Variants in SOHLH1 observed in about 807,000 individuals in gnomAD.
The protein encoded by SOHLH1 is spermatogenesis- and oogenesis-specific basic helix-loop-helix-containing protein 1.
In SOHLH1, 23 loss-of-function variants were observed where a neutral mutation model predicts 36.2. The ratio of observed to expected loss-of-function variants is 0.64; its 90% CI spans 0.46 to 0.90. The LOEUF (loss-of-function observed/expected upper bound fraction) is 0.90, where lower values mean the gene tolerates loss of function less well. SOHLH1 is among the 40% of genes least tolerant of loss of function. SOHLH1 has a pLI of 0.00. For synonymous variants in SOHLH1, 289 were observed against 228.3 expected (o/e 1.27, Z -2.40); for missense variants, 608 against 517.0 (o/e 1.18, Z -1.71).
In SOHLH1 at chr9:135,693,517, A is replaced by G; in HGVS notation, c.*80T>C. The G allele has an allele frequency of 6.8e-7, 1 of 1,478,730 alleles. No individual in the cohort carries two copies. The allele number at this position is 1,478,730 out of a possible 1,614,324, so 91.6% of individuals were successfully genotyped here. On this transcript the variant is annotated 3_prime_UTR_variant, in exon 8 of 8. Transcript: ENST00000425225. ...TGCAGCTGCAACCCAAACCCAAAAT[A>G]AAATGCCCAAGCACGCGACAGGGAC...
upstream of SOHLH1, among the ~76,000 whole-genome samples, chr9:135,700,175 C>G (rs896429668): frequency 6.6e-6 from 1 of 152,170 alleles, no homozygotes; most frequent in Non-Finnish European, 1.5e-5. Context: ...ACCATCCCCG[C>G]TTTATGCCCT....
At chr9:135,700,937 T>C (rs1835011092), upstream of SOHLH1, among the ~76,000 whole-genome samples, 1 of 152,170 alleles carries the variant, frequency 6.6e-6, no homozygotes, top group Admixed American at 6.5e-5. Context: ...TCATCAAACC[T>C]GTGACTCTCC....
chr9:135,695,304 G>A, intron 5 of SOHLH1, 41 bp from the exon 6 acceptor site: 1 of 1,549,246 alleles, frequency 6.5e-7, no homozygotes, highest in Non-Finnish European at 8.7e-7. Flanking sequence ...TCCCTGCCCA[G>A]CCCCACAGGC....
chr9:135,694,351 CG>C (rs745887164), intron 7 of SOHLH1, 35 bp downstream of exon 7: 3 of 1,611,786 alleles, frequency 1.9e-6, no homozygotes, highest in Non-Finnish European at 2.5e-6. Flanking sequence ...GGTGCTTACG[CG>C]GGGGGACCAG....
chr9:135,694,928 G>A lies in SOHLH1; in HGVS notation c.875+122C>T. ...CCTCCCTCCCACGGGCACAGAAGCA[G>A]AGACGGAAGCTTCCAGATGCCGAGA... On this transcript the variant is annotated intron_variant, in intron 6 of 7. Coordinates refer to ENST00000425225, the MANE Select transcript of SOHLH1 (RefSeq NM_001101677.2). 4.4e-6 allele frequency: 5 copies of A among 1,131,780 alleles called. No homozygotes were observed. The South Asian group carries it at 7.2e-5, about 16-fold the overall frequency. The allele number at this position is 1,131,780 out of a possible 1,614,324, so 70.1% of individuals were successfully genotyped here.
At chr9:135,694,228 A>G in intron 7 of SOHLH1, 159 bp downstream of exon 7, 1 of 1,478,868 alleles carries the variant, frequency 6.8e-7, no homozygotes, top group Non-Finnish European at 8.9e-7. Context: ...GCTCAATACC[A>G]GACACGGCCC....
intron 2 of SOHLH1, among the ~76,000 whole-genome samples, chr9:135,698,717 C>T (rs956046200): frequency 6.6e-6 from 1 of 152,180 alleles, no homozygotes; most frequent in Non-Finnish European, 1.5e-5. Flanking sequence ...GGCTGCTTTG[C>T]GGTGTGGAAA....
At position 135,698,495 on chromosome 9, in the gene SOHLH1, C is replaced by A. The variant is rs1322162899; in HGVS notation, c.198-19G>T. The A allele has an allele frequency of 3.7e-6, 6 of 1,612,890 alleles. No homozygotes were observed. In the African/African-American group the frequency reaches 8.0e-5, roughly 22 times the overall value. ...CCGCTTCCTGGTTCCGGTCAAGAAA[C>A]AAATACCTCTGGGCCCTCCTGCCCT... is the stretch of plus-strand genomic sequence containing the variant. On this transcript the variant is annotated intron_variant, in intron 2 of 7. Coordinates refer to ENST00000425225, the MANE Select transcript of SOHLH1 (RefSeq NM_001101677.2).
In SOHLH1 at chr9:135,693,436, C is replaced by T. The variant is rs1399682642; in HGVS notation, c.*161G>A. 4.8e-6 allele frequency: 5 copies of T among 1,046,084 alleles called. No individual in the cohort carries two copies. In the African/African-American group the frequency reaches 6.4e-5, roughly 13 times the overall value. 64.8% of individuals were successfully genotyped at this position (1,046,084 alleles called of 1,614,324 possible). On this transcript the variant is annotated 3_prime_UTR_variant, in exon 8 of 8. Transcript: ENST00000425225. ...GCTTCCTCCAGGAAAACTGCTTTCC[C>T]TCTTTAATATTCACTATCCTCTTCT...
chr9:135,696,877 C>A (rs1017889164), intron 4 of SOHLH1, 72 bp from the exon 5 acceptor site: 7 of 1,523,532 alleles, frequency 4.6e-6, no homozygotes, highest in African/African-American at 1.4e-5. Context: ...CCACCCACCC[C>A]AAGAGCAGAG....
rs1285375388 is a variant in SOHLH1, at chr9:135,693,736, C to G, written c.1025G>C (p.Gly342Ala). The G allele has an allele frequency of 6.3e-7, 1 of 1,575,182 alleles. No homozygotes were observed. Among genetic ancestry groups the G allele is most frequent in the Non-Finnish European group, 8.6e-7 (1 of 1,161,300 alleles). The change falls in exon 8 of 8, where the codon GGC (glycine) becomes GCC (alanine). Residue 342 changes from glycine to alanine, a missense_variant. Gly to Ala is a moderately conservative substitution (Grantham distance 60). Coordinates refer to ENST00000425225, the MANE Select transcript of SOHLH1 (RefSeq NM_001101677.2). ...ESSPLDVGEP[G>A]FLGDPELGSQ... Reference sequence around the variant, plus strand: ...GCCAAGCTCAGGGTCCCCTAGGAAGCCTGGCTCTCCAACATCCAGTGGACT... The same window carrying G: ...GCCAAGCTCAGGGTCCCCTAGGAAGGCTGGCTCTCCAACATCCAGTGGACT...
rs962476199 is a variant in SOHLH1, at chr9:135,694,141, G to T, written c.946+246C>A. 29 of 1,434,238 alleles carry T rather than the reference G, an allele frequency of 2.0e-5. No homozygotes were observed. In the African/African-American group the frequency reaches 4.0e-4, roughly 20 times the overall value. The allele number at this position is 1,434,238 out of a possible 1,614,324, so 88.8% of individuals were successfully genotyped here. A position where few individuals can be genotyped will look rare whatever the true frequency, so the allele number is the denominator to read the frequency against. On this transcript the variant is annotated intron_variant, in intron 7 of 7. Coordinates refer to ENST00000425225, the MANE Select transcript of SOHLH1 (RefSeq NM_001101677.2). ...ACACAGGGTCAAGGGGAAGAATACA[G>T]GGCTCCAAGCACCGCCAGCTCTCAT...
chr9:135,693,784 G>C lies in SOHLH1; in HGVS notation c.977C>G (p.Pro326Arg). ...GSLEGRGGSGPAWAPAESSPL... is the reference protein window; with the variant it reads ...GSLEGRGGSGRAWAPAESSPL... ...ACTGCTCTCAGCTGGGGCCCATGCA[G>C]GGCCACTGCCTCCTCGACCCTCCAG... The change falls in exon 8 of 8, where the codon CCT (proline) becomes CGT (arginine). Residue 326 changes from proline to arginine, a missense_variant. Pro to Arg is a moderately radical substitution (Grantham distance 103). Coordinates refer to ENST00000425225, the MANE Select transcript of SOHLH1 (RefSeq NM_001101677.2). 1 of 1,580,506 alleles carries C rather than the reference G, an allele frequency of 6.3e-7. No individual in the cohort carries two copies. The highest frequency in any genetic ancestry group is 1.3e-5 in the African/African-American group (1 of 74,170).
chr9:135,701,557 G>C (rs1426759574), upstream of SOHLH1, among the ~76,000 whole-genome samples: 1 of 152,200 alleles, frequency 6.6e-6, no homozygotes, highest in Non-Finnish European at 1.5e-5. Flanking sequence ...CCTAGTCTTT[G>C]GCCTGCAGCA....
At chr9:135,696,317 G>A (rs1211372381) in intron 5 of SOHLH1, among the ~76,000 whole-genome samples, 7 of 152,138 alleles carry the variant, frequency 4.6e-5, no homozygotes, top group Admixed American at 3.9e-4. Context: ...GAAGTCCCAG[G>A]AGGAGACAGG....
At chr9:135,699,501 G>C, upstream of SOHLH1, 1 of 1,602,000 alleles carries the variant, frequency 6.2e-7, no homozygotes, top group Non-Finnish European at 8.5e-7. Context: ...CCACGCGCAC[G>C]GCCCCTTCCG....
chr9:135,696,986 A>T (rs1032139472), intron 4 of SOHLH1, among the ~76,000 whole-genome samples, 181 bp from the exon 5 acceptor site: 8 of 151,990 alleles, frequency 5.3e-5, no homozygotes, highest in Non-Finnish European at 1.0e-4. Flanking sequence ...CTGTCTACCC[A>T]GTTTCCCTCT....
At chr9:135,699,259 CCT>C in intron 1 of SOHLH1, 133 bp from the exon 2 acceptor site, 1 of 1,496,636 alleles carries the variant, frequency 6.7e-7, no homozygotes, top group Non-Finnish European at 9.1e-7. Context: ...ACGGCCCGGC[CCT>C]CTCTGCACCC....
chr9:135,698,846 T>C (rs1466322968), intron 2 of SOHLH1, 149 bp downstream of exon 2: 2 of 1,171,716 alleles, frequency 1.7e-6, no homozygotes, highest in African/African-American at 3.0e-5. Context: ...GCTTTTCTGG[T>C]TTACTTGGAG....
Sources: gnomAD v4.1 joint callset for allele counts (sites outside exome capture counted in the v4.1 genomes callset) on GRCh38, gnomAD v4.1.1 for gene constraint, MANE v1.5 for transcripts, NCBI Gene and HGNC (gene_info 2026-07-23, HGNC 2026-07-21) for gene names.